DCDC1: variants seen among roughly 807,000 people sequenced by gnomAD.
DCDC1 encodes doublecortin domain-containing protein 1.
A neutral mutation model predicts 178.3 loss-of-function variants in DCDC1; 200 were observed. The ratio of observed to expected loss-of-function variants is 1.12; its 90% CI spans 1.00 to 1.26. The LOEUF (loss-of-function observed/expected upper bound fraction) is 1.26, where lower values mean the gene tolerates loss of function less well. Ranked by LOEUF, DCDC1 falls within the 50% of genes most tolerant of loss-of-function variation. The pLI, the probability that DCDC1 is intolerant of heterozygous loss-of-function variation, is 0.00. For missense variants in DCDC1, 1,983 were observed against 1,749.2 expected (o/e 1.13, Z -2.38); for synonymous variants, 690 against 604.8 (o/e 1.14, Z -2.07).
intron 22 of DCDC1, among the ~76,000 whole-genome samples, chr11:30,928,832 A>C (rs1946754223): frequency 6.6e-6 from 1 of 151,240 alleles, no homozygotes; most frequent in Non-Finnish European, 1.5e-5. Flanking sequence ...ATGAAATATA[A>C]ATTTTTCAAC....
chr11:30,929,027 T>C (rs557507779), intron 22 of DCDC1, among the ~76,000 whole-genome samples: 1 of 152,198 alleles, frequency 6.6e-6, no homozygotes, highest in Non-Finnish European at 1.5e-5. Flanking sequence ...TTTTGTGCAT[T>C]TTTTAGAATC....
At chr11:31,205,850 T>C (rs1380301675) in intron 9 of DCDC1, among the ~76,000 whole-genome samples, 2 of 152,194 alleles carry the variant, frequency 1.3e-5, no homozygotes, top group Non-Finnish European at 2.9e-5. Context: ...TGCTAAAAAT[T>C]ATTTGCTGTT....
chr11:30,919,577 T>G (rs1342889402), intron 25 of DCDC1, among the ~76,000 whole-genome samples: 1 of 152,228 alleles, frequency 6.6e-6, no homozygotes, highest in Non-Finnish European at 1.5e-5. Context: ...ATGTGAAAGT[T>G]CGTGGTCAAT....
chr11:30,875,663 T>C (rs1031099247), intron 38 of DCDC1, among the ~76,000 whole-genome samples: 2 of 152,158 alleles, frequency 1.3e-5, no homozygotes, highest in Non-Finnish European at 2.9e-5. Flanking sequence ...CCACAATTTC[T>C]AAGTGAGTCT....
chr11:30,909,163 T>C lies in DCDC1; in HGVS notation c.3748-47A>G, dbSNP rs145932000. ...GGAGTCAAGTGAGTTCATGTGAGGG[T>C]TATAGTGTCTTGTTTTTCATTGCAT... On this transcript the variant is annotated intron_variant, in intron 28 of 38. Transcript: ENST00000684477. 7 of 1,496,660 alleles carry C rather than the reference T, an allele frequency of 4.7e-6. No homozygotes were observed. In the East Asian group the frequency reaches 1.6e-4, roughly 35 times the overall value. 92.7% of individuals were successfully genotyped at this position (1,496,660 alleles called of 1,614,324 possible).
In DCDC1 at chr11:30,978,967, T is replaced by C. The variant is rs1950250986; in HGVS notation, c.2592-26399A>G. ...ATATGTACATGTACATGTAGGGACT[T>C]GATTATGCCTGTATTTTAAAAGATC... On this transcript the variant is annotated intron_variant, in intron 20 of 38. Transcript: ENST00000684477. Among the ~76,000 whole-genome samples, 6 of 152,292 alleles carry C rather than the reference T, an allele frequency of 3.9e-5. No individual in the cohort carries two copies. The South Asian group carries it at 1.0e-3, about 26-fold the overall frequency.
chr11:31,061,040 C>G (rs1955888306), intron 20 of DCDC1, among the ~76,000 whole-genome samples: 1 of 152,104 alleles, frequency 6.6e-6, no homozygotes, highest in African/African-American at 2.4e-5. Flanking sequence ...GTTAGGAGTA[C>G]AGTAGCTAGC....
chr11:31,045,140 A>C (rs1029535178), intron 20 of DCDC1, among the ~76,000 whole-genome samples: 4 of 152,180 alleles, frequency 2.6e-5, no homozygotes, highest in Admixed American at 2.0e-4. Context: ...AAATATACTT[A>C]TATGTATATG....
rs184939357 is a variant in DCDC1, at chr11:31,266,627, T to C, written c.961-1027A>G. On this transcript the variant is annotated intron_variant, in intron 7 of 38. Coordinates refer to ENST00000684477, the MANE Select transcript of DCDC1 (RefSeq NM_001387274.1). ...TACTACTGAAGGACAATGTGAATTA[T>C]ATTAATATGATTATAGTAAACAGAA... Among the ~76,000 whole-genome samples the C allele has an allele frequency of 6.1e-3, 927 of 152,334 alleles. 7 individuals are homozygous for C. Among genetic ancestry groups the C allele is most frequent in the Non-Finnish European group, 5.2e-3 (353 of 68,034 alleles).
chr11:31,167,015 T>A (rs975206973), intron 9 of DCDC1, among the ~76,000 whole-genome samples: 1 of 152,170 alleles, frequency 6.6e-6, no homozygotes, highest in Non-Finnish European at 1.5e-5. Flanking sequence ...ATCTACTGAT[T>A]AAAGCCACAG....
Position 30,943,312 on chromosome 11 carries a change from C to G in DCDC1, c.2715+9133G>C, listed in dbSNP as rs145689079. ...TCCTCTTTTATCTATTTGCTATTAA[C>G]AATATAATATATTCTTCAATGTTCT... is the stretch of plus-strand genomic sequence containing the variant. On this transcript the variant is annotated intron_variant, in intron 21 of 38. Coordinates refer to ENST00000684477, the MANE Select transcript of DCDC1 (RefSeq NM_001387274.1). 1,392 of 157,222 alleles carry G rather than the reference C, an allele frequency of 8.9e-3. 22 individuals are homozygous for G. Among genetic ancestry groups the G allele is most frequent in the African/African-American group, 0.032 (1,315 of 41,560 alleles). The allele number at this position is 157,222 out of a possible 1,614,324, so 9.7% of individuals were successfully genotyped here.
chr11:31,213,163 G>C (rs12284265), intron 9 of DCDC1, among the ~76,000 whole-genome samples: 1,481 of 73,674 alleles, frequency 0.02, 29 homozygotes, highest in Non-Finnish European at 0.024. Flanking sequence ...CTCTCTCTCT[G>C]CTTTCTTTAC....
intron 6 of DCDC1, among the ~76,000 whole-genome samples, chr11:31,299,877 G>C (rs7121517): frequency 1.1e-4 from 17 of 150,528 alleles, no homozygotes; most frequent in East Asian, 3.9e-4. Context: ...TATTTTTTTT[G>C]AGACAGAGTC....
intron 18 of DCDC1, among the ~76,000 whole-genome samples, chr11:31,077,100 G>A (rs777090999): frequency 2.0e-5 from 3 of 152,062 alleles, no homozygotes; most frequent in Non-Finnish European, 2.9e-5. Context: ...GAATCCTCTC[G>A]TCTGCCACCT....
At chr11:31,307,954 T>C (rs1226396818) in intron 3 of DCDC1, 46 bp from the exon 4 acceptor site, 3 of 1,603,520 alleles carry the variant, frequency 1.9e-6, no homozygotes, top group Non-Finnish European at 2.6e-6. Context: ...TGATTTGTAA[T>C]CATTTATTAA....
At chr11:30,913,276 C>A (rs1307258869) in intron 27 of DCDC1, among the ~76,000 whole-genome samples, 1 of 151,870 alleles carries the variant, frequency 6.6e-6, no homozygotes, top group Non-Finnish European at 1.5e-5. Flanking sequence ...GGCGTGGTGG[C>A]GGGTGCCTGT....
At chr11:31,023,521 C>T (rs946063406) in intron 20 of DCDC1, among the ~76,000 whole-genome samples, 4 of 151,638 alleles carry the variant, frequency 2.6e-5, no homozygotes, top group African/African-American at 4.8e-5. Context: ...TGAGGAGAGA[C>T]GCAGAAAGAG....
intron 1 of DCDC1, among the ~76,000 whole-genome samples, chr11:31,338,484 C>T (rs1950380793): frequency 6.6e-6 from 1 of 152,092 alleles, no homozygotes. Context: ...GAAGGGCGTA[C>T]CAAAGATATT....
chr11:31,075,797 G>T (rs1020641314), intron 18 of DCDC1, among the ~76,000 whole-genome samples: 1 of 152,128 alleles, frequency 6.6e-6, no homozygotes, highest in Non-Finnish European at 1.5e-5. Flanking sequence ...GCCCCCTGTG[G>T]GGGACTCTCA....
Sources: gnomAD v4.1 joint callset for allele counts (sites outside exome capture counted in the v4.1 genomes callset) on GRCh38, gnomAD v4.1.1 for gene constraint, MANE v1.5 for transcripts, NCBI Gene and HGNC (gene_info 2026-07-23, HGNC 2026-07-21) for gene names.